The following GNAQ variants were observed in gnomAD, a reference collection of about 807,000 sequenced individuals.
GNAQ encodes the protein G protein subunit alpha q, also known as guanine nucleotide-binding protein G(q) subunit alpha.
GNAQ carries 8 observed loss-of-function variants against 43.9 expected under a neutral mutation model. The observed-to-expected ratio is 0.18, with a 90% confidence interval of 0.11 to 0.33. The LOEUF (loss-of-function observed/expected upper bound fraction) is 0.33, where lower values mean the gene tolerates loss of function less well. Among genes scored for constraint, GNAQ ranks in the 10% least tolerant of loss-of-function variants. GNAQ has a pLI of 1.00. For synonymous variants in GNAQ, 155 were observed against 170.7 expected, an observed-to-expected ratio of 0.91 and a Z score of 0.71; for missense variants, 158 against 450.8, an observed-to-expected ratio of 0.35 and a Z score of 5.88.
chr9:77,809,098 G>A (rs1006293659), intron 3 of GNAQ, among the ~76,000 whole-genome samples: 4 of 152,132 alleles, frequency 2.6e-5, no homozygotes, highest in African/African-American at 9.7e-5. Flanking sequence ...ATATATTGGT[G>A]CTAGTTCATC....
chr9:77,785,674 ATACTGTCAGTATCTGACAGT>A (rs1826465517), intron 5 of GNAQ, among the ~76,000 whole-genome samples: 1 of 152,230 alleles, frequency 6.6e-6, no homozygotes, highest in African/African-American at 2.4e-5. Flanking sequence ...AACAATAACA[ATACTGTCAGTATCTGACAGT>A]TCCTGTCAGT....
intron 2 of GNAQ, among the ~76,000 whole-genome samples, chr9:77,823,689 G>C (rs1015977775): frequency 6.6e-6 from 1 of 152,106 alleles, no homozygotes; most frequent in East Asian, 1.9e-4. Flanking sequence ...ACAGAGAAGC[G>C]GGAGGTGCCA....
Position 77,913,353 on chromosome 9 carries a change from T to G in GNAQ, c.321+8808A>C, listed in dbSNP as rs1040715769. ...TTTATAAAATAAAATGTCATACAACTGTACTGTCCAGTACAGTAGCTGCTG... is the reference window on the plus strand; with the variant it reads ...TTTATAAAATAAAATGTCATACAACGGTACTGTCCAGTACAGTAGCTGCTG... On this transcript the variant is annotated intron_variant, in intron 2 of 6. Coordinates refer to ENST00000286548, the MANE Select transcript of GNAQ (RefSeq NM_002072.5). 4.6e-5 allele frequency among the ~76,000 whole-genome samples: 7 copies of G among 151,588 alleles called. No individual in the cohort carries two copies. The South Asian group carries it at 1.4e-3, about 31-fold the overall frequency.
At chr9:77,917,513 A>G (rs1352109363) in intron 2 of GNAQ, among the ~76,000 whole-genome samples, 3 of 152,050 alleles carry the variant, frequency 2.0e-5, no homozygotes, top group Non-Finnish European at 2.9e-5. Flanking sequence ...ACCTAAAGTA[A>G]AAGTTTTAAA....
In GNAQ at chr9:77,870,511, A is replaced by G. The variant is rs558526991; in HGVS notation, c.321+51650T>C. On this transcript the variant is annotated intron_variant, in intron 2 of 6. Coordinates refer to ENST00000286548, the MANE Select transcript of GNAQ (RefSeq NM_002072.5). ...CTGGCTAATTTTTTGTATTTTTAGTAGAGATGGGGTTTTACCGTGTTAGCC... is the reference window on the plus strand; with the variant it reads ...CTGGCTAATTTTTTGTATTTTTAGTGGAGATGGGGTTTTACCGTGTTAGCC... 4.6e-5 allele frequency among the ~76,000 whole-genome samples: 7 copies of G among 151,814 alleles called. No homozygotes were observed. The South Asian group carries it at 1.2e-3, about 27-fold the overall frequency.
intron 2 of GNAQ, among the ~76,000 whole-genome samples, chr9:77,889,249 A>T (rs1268256102): frequency 1.4e-5 from 2 of 142,664 alleles, no homozygotes; most frequent in Admixed American, 1.4e-4. Flanking sequence ...CCCATCTTTT[A>T]AAAAAAAAAT....
intron 1 of GNAQ, among the ~76,000 whole-genome samples, chr9:77,959,905 T>C (rs1319764562): frequency 1.3e-5 from 2 of 152,206 alleles, no homozygotes; most frequent in Admixed American, 1.3e-4. Context: ...GTTCCACCCA[T>C]GCGTCAGCCC....
At chr9:77,904,314 C>T (rs1165291852) in intron 2 of GNAQ, among the ~76,000 whole-genome samples, 1 of 114,590 alleles carries the variant, frequency 8.7e-6, no homozygotes, top group Admixed American at 9.6e-5. Flanking sequence ...AAGTTCACAC[C>T]GGCTTTTTTT....
chr9:77,781,715 T>C (rs1430958751), intron 5 of GNAQ, among the ~76,000 whole-genome samples: 1 of 152,010 alleles, frequency 6.6e-6, no homozygotes, highest in Non-Finnish European at 1.5e-5. Context: ...GGTACAACAT[T>C]TGGAAATCAA....
At chr9:77,902,141 C>T (rs1202643312) in intron 2 of GNAQ, among the ~76,000 whole-genome samples, 1 of 152,230 alleles carries the variant, frequency 6.6e-6, no homozygotes, top group Non-Finnish European at 1.5e-5. Flanking sequence ...AATGCCTCCA[C>T]CTCTTAGCAT....
chr9:77,796,596 C>G (rs1436448), intron 4 of GNAQ, among the ~76,000 whole-genome samples: 90,661 of 152,040 alleles, frequency 0.6, 28,036 homozygotes, highest in Middle Eastern at 0.71. Flanking sequence ...AGACAGAACA[C>G]CAGCAGTGAG....
intron 2 of GNAQ, among the ~76,000 whole-genome samples, chr9:77,911,207 T>C (rs975437761): frequency 1.3e-5 from 2 of 152,156 alleles, no homozygotes; most frequent in African/African-American, 4.8e-5. Flanking sequence ...ACAATGCAGA[T>C]AGGCCACCAA....
At chr9:77,767,626 A>G (rs1564105046) in intron 5 of GNAQ, among the ~76,000 whole-genome samples, 1 of 152,236 alleles carries the variant, frequency 6.6e-6, no homozygotes, top group Non-Finnish European at 1.5e-5. Context: ...TCCTAGTGCA[A>G]TTCGATAAAA....
intron 2 of GNAQ, among the ~76,000 whole-genome samples, chr9:77,912,065 A>G (rs987783747): frequency 4.6e-5 from 7 of 152,220 alleles, no homozygotes; most frequent in Admixed American, 2.6e-4. Flanking sequence ...CTCTTCTTTA[A>G]AAGTACACAG....
At chr9:77,953,581 G>A (rs1183153032) in intron 1 of GNAQ, among the ~76,000 whole-genome samples, 1 of 152,134 alleles carries the variant, frequency 6.6e-6, no homozygotes, top group Non-Finnish European at 1.5e-5. Flanking sequence ...TCAAGGGCCC[G>A]GCGAAGGTCT....
intron 2 of GNAQ, among the ~76,000 whole-genome samples, chr9:77,921,897 T>TTTCAG (rs1829001976): frequency 6.6e-6 from 1 of 152,240 alleles, no homozygotes; most frequent in Admixed American, 6.5e-5. Context: ...AAATATTTAT[T>TTTCAG]GCTGAACATC....
At chr9:77,934,846 G>A (rs1339146934) in intron 1 of GNAQ, among the ~76,000 whole-genome samples, 1 of 152,198 alleles carries the variant, frequency 6.6e-6, no homozygotes, top group African/African-American at 2.4e-5. Flanking sequence ...GAAAATTAGG[G>A]CCGGGTGCGG....
intron 2 of GNAQ, among the ~76,000 whole-genome samples, chr9:77,821,848 A>G (rs1196843978): frequency 6.6e-6 from 1 of 151,630 alleles, no homozygotes; most frequent in African/African-American, 2.4e-5. Flanking sequence ...AAAAATTGAA[A>G]AGAGAGATTA....
At chr9:77,964,843 A>AC (rs1272425503) in intron 1 of GNAQ, among the ~76,000 whole-genome samples, 1 of 152,148 alleles carries the variant, frequency 6.6e-6, no homozygotes, top group Non-Finnish European at 1.5e-5. Flanking sequence ...AAAATACAGA[A>AC]CTCATTTTTA....
Sources: gnomAD v4.1 joint callset for allele counts (sites outside exome capture counted in the v4.1 genomes callset) on GRCh38, gnomAD v4.1.1 for gene constraint, MANE v1.5 for transcripts, NCBI Gene and HGNC (gene_info 2026-07-23, HGNC 2026-07-21) for gene names.